The following CABIN1 variants were observed in gnomAD, a reference collection of about 807,000 sequenced individuals.
The protein encoded by CABIN1 is calcineurin-binding protein cabin-1.
A neutral mutation model predicts 227.7 loss-of-function variants in CABIN1; 133 were observed. The ratio of observed to expected loss-of-function variants is 0.58; its 90% CI spans 0.51 to 0.67. The LOEUF (loss-of-function observed/expected upper bound fraction) is 0.67, where lower values mean the gene tolerates loss of function less well. Among genes scored for constraint, CABIN1 ranks in the 30% least tolerant of loss-of-function variants. The pLI is 0.00. For synonymous variants in CABIN1, 1,086 were observed against 1,155.1 expected (o/e 0.94, Z 1.21); for missense variants, 2,408 against 2,852.5 (o/e 0.84, Z 3.55).
In CABIN1 at chr22:24,178,127, G is replaced by A. The variant is rs752721137; in HGVS notation, c.6594G>A (p.Leu2198=). 3 of 1,613,824 alleles carry A rather than the reference G, an allele frequency of 1.9e-6. No individual in the cohort carries two copies. The highest frequency in any genetic ancestry group is 1.1e-5 in the South Asian group (1 of 91,088). Residue 2198 remains leucine (L), a synonymous_variant, in exon 37 of 37, where the codon CTG becomes CTA. Transcript: ENST00000263119. ...TATGCCAGCCAGCCCTGGAGGTCCT[G>A]GAGACATCCAGCCAGGAGTCCTCGC... The part of the protein sequence containing the change: ...ESLCQPALEV[L]ETSSQESSLE...
At chr22:24,126,894 T>C (rs1419108119) in intron 28 of CABIN1, among the ~76,000 whole-genome samples, 1 of 150,514 alleles carries the variant, frequency 6.6e-6, no homozygotes, top group Admixed American at 6.7e-5. Flanking sequence ...AGCTACTCAG[T>C]AGGCTAAGGA....
chr22:24,058,885 T>A (rs1396645807), intron 10 of CABIN1, among the ~76,000 whole-genome samples: 1 of 152,262 alleles, frequency 6.6e-6, no homozygotes, highest in East Asian at 1.9e-4. Context: ...GTGTACCTGC[T>A]TATTGGCTGT....
chr22:24,060,431 G>A (rs1223786142), intron 12 of CABIN1, among the ~76,000 whole-genome samples: 1 of 152,052 alleles, frequency 6.6e-6, no homozygotes, highest in African/African-American at 2.4e-5. Flanking sequence ...TGGTAATAGT[G>A]GGGTGCTGGT....
At chr22:24,144,193 A>G (rs1175919519) in intron 29 of CABIN1, among the ~76,000 whole-genome samples, 1 of 152,214 alleles carries the variant, frequency 6.6e-6, no homozygotes. Flanking sequence ...ACTCTCAGCC[A>G]CTATGTCGTT....
At chr22:24,097,299 TCA>T (rs1399485993) in intron 25 of CABIN1, among the ~76,000 whole-genome samples, 1 of 152,242 alleles carries the variant, frequency 6.6e-6, no homozygotes, top group Non-Finnish European at 1.5e-5. Flanking sequence ...TAGCTACTAT[TCA>T]CAGTTTAATT....
At chr22:24,111,893 C>T (rs907695293) in intron 26 of CABIN1, among the ~76,000 whole-genome samples, 6 of 152,180 alleles carry the variant, frequency 3.9e-5, no homozygotes, top group East Asian at 1.9e-4. Context: ...GAAAGGCATT[C>T]GTCATCTCTG....
chr22:24,143,061 G>C (rs1016243120), intron 29 of CABIN1, among the ~76,000 whole-genome samples: 2 of 152,186 alleles, frequency 1.3e-5, no homozygotes, highest in African/African-American at 4.8e-5. Context: ...CTGCAAGCCT[G>C]GATTAGTAGT....
intron 28 of CABIN1, among the ~76,000 whole-genome samples, chr22:24,120,860 C>G (rs1402468346): frequency 6.6e-6 from 1 of 152,144 alleles, no homozygotes; most frequent in African/African-American, 2.4e-5. Flanking sequence ...ATGAGTAAAG[C>G]AAGTCTCATT....
chr22:24,174,141 G>A (rs1475104854), intron 34 of CABIN1, among the ~76,000 whole-genome samples: 1 of 147,428 alleles, frequency 6.8e-6, no homozygotes, highest in African/African-American at 2.5e-5. Flanking sequence ...CACCAAGCCT[G>A]GCCTGTTTGT....
intron 29 of CABIN1, among the ~76,000 whole-genome samples, chr22:24,136,499 A>G (rs1234067984): frequency 1.5e-5 from 2 of 136,494 alleles, no homozygotes; most frequent in Non-Finnish European, 3.1e-5. Flanking sequence ...ACGGGTCCAC[A>G]CTGCCACGCC....
intron 15 of CABIN1, among the ~76,000 whole-genome samples, chr22:24,066,348 A>G (rs754813458): frequency 6.6e-6 from 1 of 152,222 alleles, no homozygotes; most frequent in Non-Finnish European, 1.5e-5. Context: ...GGAAGGAAAT[A>G]TCAGCTGGAG....
At chr22:24,095,083 G>A (rs1602053759) in intron 24 of CABIN1, among the ~76,000 whole-genome samples, 1 of 152,246 alleles carries the variant, frequency 6.6e-6, no homozygotes, top group Admixed American at 6.5e-5. Flanking sequence ...GTGGGCTAGA[G>A]GTGGAGGGGC....
At chr22:24,063,608 C>A (rs1054569477) in intron 14 of CABIN1, among the ~76,000 whole-genome samples, 3 of 152,180 alleles carry the variant, frequency 2.0e-5, no homozygotes, top group African/African-American at 7.2e-5. Flanking sequence ...TGGCTGTTAC[C>A]TAGCACCTTG....
rs115033829 is a variant in CABIN1 at position 24,050,810 on chromosome 22, C to T, written c.657-15C>T. 1.9e-3 allele frequency: 3,063 copies of T among 1,614,110 alleles called. 47 individuals carry two copies. The African/African-American group carries it at 0.034, about 18-fold the overall frequency. On this transcript the variant is annotated splice_polypyrimidine_tract_variant and intron_variant, in intron 7 of 36. Coordinates refer to ENST00000263119, the MANE Select transcript of CABIN1 (RefSeq NM_012295.4). Reference sequence around the variant, plus strand: ...TTGTAACATGATAATTTCTCCCTGTCTCACATGCTTTTAGTGACATGTCGA... The same window carrying T: ...TTGTAACATGATAATTTCTCCCTGTTTCACATGCTTTTAGTGACATGTCGA...
chr22:24,104,853 C>T (rs1015422800), intron 26 of CABIN1, among the ~76,000 whole-genome samples: 2 of 152,188 alleles, frequency 1.3e-5, no homozygotes, highest in African/African-American at 4.8e-5. Context: ...GTCGGCAGGA[C>T]ATTTGTGGTC....
intron 29 of CABIN1, among the ~76,000 whole-genome samples, chr22:24,140,518 C>T (rs895779409): frequency 2.0e-5 from 3 of 152,342 alleles, no homozygotes; most frequent in African/African-American, 4.8e-5. Context: ...GGCATACACA[C>T]CTCTGGCAGG....
intron 7 of CABIN1, among the ~76,000 whole-genome samples, chr22:24,049,602 G>T (rs1054150273): frequency 6.6e-6 from 1 of 152,122 alleles, no homozygotes; most frequent in Non-Finnish European, 1.5e-5. Context: ...CTCTGATCAT[G>T]TGCCACCCCT....
chr22:24,064,333 G>A lies in CABIN1; in HGVS notation c.2037+146G>A, dbSNP rs1001462533. On this transcript the variant is annotated intron_variant, in intron 15 of 36. Coordinates refer to ENST00000263119, the MANE Select transcript of CABIN1 (RefSeq NM_012295.4). Reference sequence around the variant, plus strand: ...GGATTCTCCTGCCTCAGCCTCCTGAGTAGCTGGGATTACGGGTGCCCGCCG... The same window carrying A: ...GGATTCTCCTGCCTCAGCCTCCTGAATAGCTGGGATTACGGGTGCCCGCCG... The A allele has an allele frequency of 6.7e-6, 6 of 901,268 alleles. No individual in the cohort carries two copies. In the African/African-American group the frequency reaches 8.2e-5, roughly 12 times the overall value. 55.8% of individuals were successfully genotyped at this position (901,268 alleles called of 1,614,324 possible).
At chr22:24,027,519 A>G (rs780743079) in intron 1 of CABIN1, among the ~76,000 whole-genome samples, 3 of 152,234 alleles carry the variant, frequency 2.0e-5, no homozygotes, top group Non-Finnish European at 2.9e-5. Context: ...TATGGTTTGA[A>G]TGTATCCCCC....
Sources: gnomAD v4.1 joint callset for allele counts (sites outside exome capture counted in the v4.1 genomes callset) on GRCh38, gnomAD v4.1.1 for gene constraint, MANE v1.5 for transcripts, NCBI Gene and HGNC (gene_info 2026-07-23, HGNC 2026-07-21) for gene names.